Variants in STARD9 observed in about 807,000 individuals in gnomAD.
STARD9 encodes the protein StAR related lipid transfer domain containing 9.
In STARD9, 346 loss-of-function variants were observed where a neutral mutation model predicts 399.8. The observed-to-expected ratio is 0.87, with a 90% confidence interval of 0.79 to 0.95. The LOEUF (loss-of-function observed/expected upper bound fraction) is 0.95, where lower values mean the gene tolerates loss of function less well. Ranked by LOEUF, STARD9 falls within the 40% of genes least tolerant of loss-of-function variation. The pLI is 0.00. For synonymous variants in STARD9, 2,203 were observed against 2,143.5 expected (o/e 1.03, Z -0.77); for missense variants, 5,832 against 5,667.5 (o/e 1.03, Z -0.93).
intron 26 of STARD9, among the ~76,000 whole-genome samples, chr15:42,709,735 T>C (rs981150667): frequency 1.3e-5 from 2 of 152,136 alleles, no homozygotes; most frequent in Non-Finnish European, 2.9e-5. Flanking sequence ...ATCCTGTTTT[T>C]CCTCAAACTT....
At chr15:42,613,253 C>G (rs1315464010) in intron 3 of STARD9, among the ~76,000 whole-genome samples, 1 of 151,866 alleles carries the variant, frequency 6.6e-6, no homozygotes. Context: ...AAATGAAGCA[C>G]TAGACAGGGA....
In STARD9 at chr15:42,689,655, A is replaced by G. The variant is rs1157624640; in HGVS notation, c.8077A>G (p.Ile2693Val). The G allele has an allele frequency of 2.0e-6, 3 of 1,537,634 alleles. No individual in the cohort carries two copies. Among genetic ancestry groups the G allele is most frequent in the South Asian group, 2.4e-5 (2 of 84,070 alleles). The change falls in exon 23 of 33, where the codon ATA becomes GTA. Residue 2693 changes from isoleucine to valine, a missense_variant. Physicochemically the swap from Ile to Val is conservative, Grantham distance 29. This residue lies in a region of STARD9 where 5,828 missense variants were observed against 5,651.1 expected (regional missense o/e 1.03). Transcript: ENST00000290607. Reference protein sequence around the residue: ...RQFAGASEPFICHSSSSEIIE... With the variant: ...RQFAGASEPFVCHSSSSEIIE... ...GTTCGCGGGAGCAAGTGAACCATTT[A>G]TATGTCACTCTAGTTCTTCTGAAAT...
intron 26 of STARD9, among the ~76,000 whole-genome samples, chr15:42,697,506 A>G (rs759257194): frequency 6.6e-6 from 1 of 152,166 alleles, no homozygotes; most frequent in Non-Finnish European, 1.5e-5. Context: ...AAGGGCACAA[A>G]TATATACACA....
chr15:42,655,564 C>T (rs905182285), intron 9 of STARD9, among the ~76,000 whole-genome samples: 1 of 152,246 alleles, frequency 6.6e-6, no homozygotes, highest in Non-Finnish European at 1.5e-5. Context: ...ATCCTCATCT[C>T]CCACATTATA....
In STARD9 at chr15:42,717,771, G is replaced by A. The variant is rs1048414046; in HGVS notation, c.13535G>A (p.Ser4512Asn). 3.3e-6 allele frequency: 5 copies of A among 1,537,226 alleles called. No homozygotes were observed. Among genetic ancestry groups the A allele is most frequent in the Non-Finnish European group, 4.4e-6 (5 of 1,146,896 alleles). The change falls in exon 29 of 33, where the codon AGC (serine) becomes AAC (asparagine). Residue 4512 changes from serine (S) to asparagine (N), a missense_variant. This residue lies in a region of STARD9 where 5,828 missense variants were observed against 5,651.1 expected (regional missense o/e 1.03). Coordinates refer to ENST00000290607, the MANE Select transcript of STARD9 (RefSeq NM_020759.3). ...TCGGATAATTTGCACAACCTCTTCA[G>A]CTGCCAGGCAACTGCTGGCTGGAAG... ...ACSDNLHNLF[S>N]CQATAGWNYQ...
At chr15:42,579,481 TAAGAGG>T (rs1390066599) in intron 1 of STARD9, among the ~76,000 whole-genome samples, 1 of 152,162 alleles carries the variant, frequency 6.6e-6, no homozygotes, top group Non-Finnish European at 1.5e-5. Context: ...ACTTCTCAGA[TAAGAGG>T]AGTGACAGAT....
intron 3 of STARD9, among the ~76,000 whole-genome samples, chr15:42,622,266 C>T (rs1002082176): frequency 7.9e-5 from 12 of 151,960 alleles, no homozygotes; most frequent in Non-Finnish European, 1.2e-4. Context: ...GAGTGAGACC[C>T]TTAAAAACAA....
intron 3 of STARD9, among the ~76,000 whole-genome samples, chr15:42,613,046 G>T (rs1445390062): frequency 1.4e-5 from 2 of 147,618 alleles, no homozygotes; most frequent in African/African-American, 4.9e-5. Flanking sequence ...AAATATTTTT[G>T]ATTATCTCAA....
At chr15:42,600,565 G>C (rs1241101222) in intron 3 of STARD9, among the ~76,000 whole-genome samples, 3 of 134,366 alleles carry the variant, frequency 2.2e-5, no homozygotes, top group Non-Finnish European at 4.7e-5. Flanking sequence ...CGCTCTTGTT[G>C]CCCAGGCTGG....
chr15:42,689,613 A>G lies in STARD9; in HGVS notation c.8035A>G (p.Thr2679Ala), dbSNP rs1440930621. 2 of 1,537,506 alleles carry G rather than the reference A, an allele frequency of 1.3e-6. No homozygotes were observed. Among genetic ancestry groups the G allele is most frequent in the Non-Finnish European group, 1.7e-6 (2 of 1,146,978 alleles). The change falls in exon 23 of 33, where the codon ACT becomes GCT. Residue 2679 changes from threonine (T) to alanine (A), a missense_variant. Physicochemically the swap from Thr to Ala is moderately conservative, Grantham distance 58. Coordinates refer to ENST00000290607, the MANE Select transcript of STARD9 (RefSeq NM_020759.3). ...AAPAQDRKRR[T>A]GELRQFAGAS... The stretch of plus-strand genomic sequence containing the variant: ...TCCTGCTCAAGACAGGAAACGTCGT[A>G]CTGGAGAACTGAGGCAGTTCGCGGG...
At position 42,689,894 on chromosome 15, in the gene STARD9, AC is replaced by A; in HGVS notation, c.8321del (p.Pro2774LeufsTer16). ...SVPQETAEGIPPGSQDSSPEH... is the reference protein window; with the variant it reads ...SVPQETAEGIXPGSQDSSPEH... ...TTCCGCAGGAGACTGCAGAGGGCAT[AC>A]CCCCTGGCAGTCAGGACAGCAGCCC... On this transcript the variant is annotated frameshift_variant, in exon 23 of 33. Coordinates refer to ENST00000290607, the MANE Select transcript of STARD9 (RefSeq NM_020759.3). LOFTEE classifies it high-confidence loss of function. 6.5e-7 allele frequency: 1 copy of A among 1,537,510 alleles called. No individual in the cohort carries two copies.
At chr15:42,641,349 T>C (rs1033416325) in intron 7 of STARD9, among the ~76,000 whole-genome samples, 3 of 152,206 alleles carry the variant, frequency 2.0e-5, no homozygotes, top group African/African-American at 7.2e-5. Context: ...CAAATACAGG[T>C]GGACATTTCG....
chr15:42,610,103 A>G (rs2058818256), intron 3 of STARD9, among the ~76,000 whole-genome samples: 1 of 152,176 alleles, frequency 6.6e-6, no homozygotes, highest in African/African-American at 2.4e-5. Flanking sequence ...CAAGAAATAA[A>G]ATAAAAAATA....
At chr15:42,664,451 C>T (rs1420768043) in intron 13 of STARD9, among the ~76,000 whole-genome samples, 1 of 152,168 alleles carries the variant, frequency 6.6e-6, no homozygotes, top group Non-Finnish European at 1.5e-5. Flanking sequence ...GCAGCTTCAA[C>T]CTCCAGGGCT....
intron 3 of STARD9, among the ~76,000 whole-genome samples, chr15:42,601,533 G>A (rs1012925078): frequency 2.0e-5 from 3 of 147,578 alleles, no homozygotes; most frequent in African/African-American, 7.8e-5. Context: ...CCGGGCGGGG[G>A]CTGCCCCCCA....
intron 20 of STARD9, 129 bp downstream of exon 20, chr15:42,676,104 A>G: frequency 1.3e-6 from 1 of 746,358 alleles, no homozygotes; most frequent in East Asian, 2.7e-5. Context: ...CCCTTGTCTG[A>G]ATCAACTTGG....
chr15:42,602,079 C>T (rs1420711193), intron 3 of STARD9, among the ~76,000 whole-genome samples: 5 of 152,186 alleles, frequency 3.3e-5, no homozygotes, highest in East Asian at 1.9e-4. Context: ...GAACTCCTAA[C>T]GTCAAGTGAT....
intron 24 of STARD9, 135 bp downstream of exon 24, chr15:42,694,860 G>A (rs971440041): frequency 4.5e-6 from 2 of 442,620 alleles, no homozygotes; most frequent in South Asian, 4.4e-5. Flanking sequence ...ACATAGAAGG[G>A]AATGGAATGA....
At chr15:42,625,115 C>T (rs530042131) in intron 3 of STARD9, among the ~76,000 whole-genome samples, 6 of 152,276 alleles carry the variant, frequency 3.9e-5, no homozygotes, top group South Asian at 2.1e-4. Context: ...CAACCTCTGC[C>T]TCCCAGGTTC....
Sources: gnomAD v4.1 joint callset for allele counts (sites outside exome capture counted in the v4.1 genomes callset) on GRCh38, gnomAD v4.1.1 for gene constraint, gnomAD v4.1.1 regional missense constraint, MANE v1.5 for transcripts, NCBI Gene and HGNC (gene_info 2026-07-23, HGNC 2026-07-21) for gene names.